EHMT1: variants seen among roughly 807,000 people sequenced by gnomAD.
EHMT1 encodes the protein histone-lysine N-methyltransferase EHMT1.
A neutral mutation model predicts 147.2 loss-of-function variants in EHMT1; 15 were observed. The ratio of observed to expected loss-of-function variants is 0.10; its 90% CI spans 0.07 to 0.16. The LOEUF (loss-of-function observed/expected upper bound fraction) is 0.16. EHMT1 is among the 10% of genes least tolerant of loss of function. EHMT1 has a pLI of 1.00. For missense variants in EHMT1, 1,587 were observed against 1,772.4 expected (o/e 0.90, Z 1.88); for synonymous variants, 795 against 709.6 (o/e 1.12, Z -1.91).
At chr9:137,804,729 T>G (rs900392313) in intron 18 of EHMT1, among the ~76,000 whole-genome samples, 5 of 152,330 alleles carry the variant, frequency 3.3e-5, no homozygotes, top group African/African-American at 1.2e-4. Flanking sequence ...TAGGTCTGTG[T>G]TTTATTATAG....
chr9:137,652,977 C>T (rs1223727121), intron 1 of EHMT1, among the ~76,000 whole-genome samples: 1 of 152,192 alleles, frequency 6.6e-6, no homozygotes, highest in African/African-American at 2.4e-5. Context: ...ATCCATTCGC[C>T]TTGGCCTCCC....
chr9:137,802,604 C>CCA (rs1953588736), intron 18 of EHMT1: 1 of 401,816 alleles, frequency 2.5e-6, no homozygotes. Context: ...GGGCACGGGC[C>CCA]CTTGCCATTC....
intron 6 of EHMT1, among the ~76,000 whole-genome samples, chr9:137,749,174 T>G (rs771644064): frequency 6.6e-6 from 1 of 152,094 alleles, no homozygotes; most frequent in Admixed American, 6.5e-5. Flanking sequence ...AGGACAGATG[T>G]GGGAAGCTCC....
chr9:137,619,358 C>G (rs944698485), intron 1 of EHMT1, among the ~76,000 whole-genome samples: 1 of 151,436 alleles, frequency 6.6e-6, no homozygotes, highest in Non-Finnish European at 1.5e-5. Context: ...CCCCACGGAC[C>G]CCGTGCCGCC....
chr9:137,806,146 G>A (rs1953930005), intron 18 of EHMT1, among the ~76,000 whole-genome samples: 1 of 151,748 alleles, frequency 6.6e-6, no homozygotes, highest in Non-Finnish European at 1.5e-5. Flanking sequence ...TTTTATTAGG[G>A]ATGGGGGTTT....
intron 25 of EHMT1, among the ~76,000 whole-genome samples, chr9:137,827,314 C>G (rs1405041538): frequency 6.6e-6 from 1 of 152,156 alleles, no homozygotes; most frequent in Non-Finnish European, 1.5e-5. Context: ...CCCTGCTCCT[C>G]CCTGCACCCT....
intron 1 of EHMT1, among the ~76,000 whole-genome samples, chr9:137,624,400 C>T (rs1843126479): frequency 6.6e-6 from 1 of 150,920 alleles, no homozygotes; most frequent in East Asian, 2.0e-4. Context: ...TGTCTTTCTG[C>T]AACCTGCCCG....
chr9:137,758,119 C>G lies in EHMT1; in HGVS notation c.1501+108C>G, dbSNP rs3123518. On this transcript the variant is annotated intron_variant, in intron 9 of 26. Coordinates refer to ENST00000460843, the MANE Select transcript of EHMT1 (RefSeq NM_024757.5). ...CCCTTGGTGGACACTAGTAGAAGAT[C>G]GGGTTAACTGCATCACTTCCAGCTG... 101,973 of 1,454,224 alleles carry G rather than the reference C, an allele frequency of 0.07. 6,376 individuals are homozygous for G. Among genetic ancestry groups the G allele is most frequent in the African/African-American group, 0.32 (23,103 of 71,372 alleles). The allele number at this position is 1,454,224 out of a possible 1,614,324, so 90.1% of individuals were successfully genotyped here.
chr9:137,772,192 ACTTTG>A (rs1318485779), intron 10 of EHMT1, among the ~76,000 whole-genome samples: 1 of 152,108 alleles, frequency 6.6e-6, no homozygotes, highest in Non-Finnish European at 1.5e-5. Context: ...ACCCCTAGGT[ACTTTG>A]CTAAATATAC....
intron 2 of EHMT1, among the ~76,000 whole-genome samples, chr9:137,711,500 A>T (rs1944716714): frequency 6.6e-6 from 1 of 152,162 alleles, no homozygotes; most frequent in African/African-American, 2.4e-5. Context: ...TGTTAAGTGA[A>T]GGAGGCCAGA....
intron 17 of EHMT1, among the ~76,000 whole-genome samples, chr9:137,799,129 C>CGT (rs1181273453): frequency 4.8e-5 from 5 of 104,934 alleles, no homozygotes; most frequent in African/African-American, 1.8e-4. Context: ...GGCCCTCCAG[C>CGT]GTCCTCTTCC....
intron 9 of EHMT1, among the ~76,000 whole-genome samples, chr9:137,760,631 C>T (rs1391027558): frequency 6.6e-6 from 1 of 152,188 alleles, no homozygotes; most frequent in African/African-American, 2.4e-5. Flanking sequence ...TTTGGATTCT[C>T]TCCTGGCCGT....
chr9:137,724,940 C>T (rs930641953), intron 3 of EHMT1, among the ~76,000 whole-genome samples: 6 of 145,474 alleles, frequency 4.1e-5, no homozygotes, highest in Admixed American at 7.0e-5. Context: ...TTGTGGCATT[C>T]GTGGGGCAGG....
At chr9:137,632,679 C>T (rs1402431374) in intron 1 of EHMT1, among the ~76,000 whole-genome samples, 1 of 152,190 alleles carries the variant, frequency 6.6e-6, no homozygotes, top group Non-Finnish European at 1.5e-5. Context: ...GCTGGGATTA[C>T]AGGCGTGAGC....
At chr9:137,677,722 G>T (rs1249394453) in intron 1 of EHMT1, among the ~76,000 whole-genome samples, 1 of 152,076 alleles carries the variant, frequency 6.6e-6, no homozygotes, top group African/African-American at 2.4e-5. Context: ...TGGGTAGATT[G>T]TGCTGTTACT....
chr9:137,826,308 G>C (rs1208326067), intron 25 of EHMT1, among the ~76,000 whole-genome samples: 2 of 152,142 alleles, frequency 1.3e-5, no homozygotes, highest in Non-Finnish European at 2.9e-5. Context: ...TCATGTTTCT[G>C]GTTAGTTTTG....
chr9:137,790,697 C>A, intron 15 of EHMT1, 151 bp from the exon 16 acceptor site: 1 of 1,041,834 alleles, frequency 9.6e-7, no homozygotes, highest in Non-Finnish European at 1.5e-6. Context: ...ATAATTATGT[C>A]TTTGAATACG....
chr9:137,668,304 C>T (rs1283211876), intron 1 of EHMT1, among the ~76,000 whole-genome samples: 2 of 151,878 alleles, frequency 1.3e-5, no homozygotes, highest in South Asian at 2.1e-4. Context: ...CATTCTCCTT[C>T]CTCTCCCTTC....
intron 25 of EHMT1, chr9:137,823,459 TG>T: frequency 2.8e-6 from 1 of 362,562 alleles, no homozygotes; most frequent in Non-Finnish European, 5.3e-6. Flanking sequence ...TCACCCAGGC[TG>T]GAGTGCAGTG....
Sources: gnomAD v4.1 joint callset for allele counts (sites outside exome capture counted in the v4.1 genomes callset) on GRCh38, gnomAD v4.1.1 for gene constraint, MANE v1.5 for transcripts, NCBI Gene and HGNC (gene_info 2026-07-23, HGNC 2026-07-21) for gene names.